The following MAD1L1 variants were observed in gnomAD, a reference collection of about 807,000 sequenced individuals.
MAD1L1 encodes the protein mitotic spindle assembly checkpoint protein MAD1.
MAD1L1 carries 95 observed loss-of-function variants against 96.9 expected under a neutral mutation model. That is an observed-to-expected ratio of 0.98 (90% CI 0.83 to 1.16). The LOEUF (loss-of-function observed/expected upper bound fraction) is 1.16. Ranked by LOEUF, MAD1L1 falls within the 50% of genes most tolerant of loss-of-function variation. The pLI is 0.00. For missense variants in MAD1L1, 1,007 were observed against 954.4 expected, an observed-to-expected ratio of 1.06 and a Z score of -0.73; for synonymous variants, 473 against 396.6, an observed-to-expected ratio of 1.19 and a Z score of -2.29.
intron 18 of MAD1L1, among the ~76,000 whole-genome samples, chr7:1,852,160 T>C (rs1784012393): frequency 6.6e-6 from 1 of 151,984 alleles, no homozygotes; most frequent in African/African-American, 2.4e-5. Context: ...GGGAAGAAAG[T>C]GCTTCCTGTG....
chr7:2,222,513 C>T, intron 5 of MAD1L1, 62 bp downstream of exon 5: 4 of 1,446,132 alleles, frequency 2.8e-6, no homozygotes, highest in African/African-American at 1.4e-5. Context: ...CAGTGGCAAA[C>T]AAGAGCATGC....
rs535773772 is a variant in MAD1L1 at position 1,845,650 on chromosome 7, G to A, written c.1999-29422C>T. On this transcript the variant is annotated intron_variant, in intron 18 of 18. Transcript: ENST00000265854. Reference sequence around the variant, plus strand: ...CGGGGAAGAGCGCTGTTTAGGAGACGGACGTGCTCCACGCAGACACGCGTC... The same window carrying A: ...CGGGGAAGAGCGCTGTTTAGGAGACAGACGTGCTCCACGCAGACACGCGTC... The A allele has an allele frequency of 6.6e-5, 9 of 135,822 alleles. 1 individual carries two copies. Among genetic ancestry groups the A allele is most frequent in the Admixed American group, 1.4e-4 (2 of 14,044 alleles). The allele number at this position is 135,822 out of a possible 1,614,324, so 8.4% of individuals were successfully genotyped here.
intron 10 of MAD1L1, chr7:2,175,100 G>C (rs745660008): frequency 1.4e-4 from 22 of 152,328 alleles, no homozygotes; most frequent in African/African-American, 5.1e-4. Flanking sequence ...TGGTCATCTC[G>C]GCGGTCACAC....
intron 17 of MAD1L1, among the ~76,000 whole-genome samples, chr7:1,907,768 G>C (rs1787760680): frequency 6.6e-6 from 1 of 152,206 alleles, no homozygotes; most frequent in African/African-American, 2.4e-5. Flanking sequence ...ACACATCCCT[G>C]TGTCGTCAAC....
chr7:1,989,727 G>A (rs1410177051), intron 14 of MAD1L1, among the ~76,000 whole-genome samples: 1 of 151,942 alleles, frequency 6.6e-6, no homozygotes, highest in African/African-American at 2.4e-5. Context: ...CTCAGCACAG[G>A]TTGGCTTCAG....
intron 11 of MAD1L1, among the ~76,000 whole-genome samples, chr7:2,087,404 G>A (rs1482126374): frequency 6.6e-6 from 1 of 152,086 alleles, no homozygotes; most frequent in Non-Finnish European, 1.5e-5. Flanking sequence ...GCCAGGCCTG[G>A]TGGCGCGCGC....
Position 1,816,028 on chromosome 7 carries a change from G to A in MAD1L1, c.*42C>T, listed in dbSNP as rs1293397447. The A allele has an allele frequency of 6.4e-7, 1 of 1,557,922 alleles. No homozygotes were observed. Among genetic ancestry groups the A allele is most frequent in the Admixed American group, 1.8e-5 (1 of 54,418 alleles). ...GGCGGGGCAGGGGACCTGCAGGTCA[G>A]GCCAAGCAGAGTGGCTCCGGCTATG... On this transcript the variant is annotated 3_prime_UTR_variant, in exon 19 of 19. Coordinates refer to ENST00000265854, the MANE Select transcript of MAD1L1 (RefSeq NM_001013836.2).
At chr7:2,017,593 G>A (rs1315037645) in intron 12 of MAD1L1, among the ~76,000 whole-genome samples, 1 of 152,190 alleles carries the variant, frequency 6.6e-6, no homozygotes, top group African/African-American at 2.4e-5. Flanking sequence ...GGATCTGGGC[G>A]CCCTGGGAGG....
chr7:2,055,486 T>C (rs1784349529), intron 12 of MAD1L1, among the ~76,000 whole-genome samples: 1 of 151,848 alleles, frequency 6.6e-6, no homozygotes, highest in Admixed American at 6.6e-5. Context: ...CAAGTCACAC[T>C]CAGATTTCCA....
At chr7:2,002,813 C>T (rs57460298) in intron 13 of MAD1L1, among the ~76,000 whole-genome samples, 44,245 of 152,188 alleles carry the variant, frequency 0.29, 6,943 homozygotes, top group Middle Eastern at 0.37. Context: ...GGACAGTGAC[C>T]CTGCACCCAT....
At chr7:2,004,401 TG>T (rs1417660049) in intron 13 of MAD1L1, among the ~76,000 whole-genome samples, 2 of 152,228 alleles carry the variant, frequency 1.3e-5, no homozygotes, top group Non-Finnish European at 2.9e-5. Context: ...CGGCCTCAGG[TG>T]ACAGCTACAG....
chr7:2,188,346 T>G (rs1335524856), intron 10 of MAD1L1, among the ~76,000 whole-genome samples: 1 of 152,166 alleles, frequency 6.6e-6, no homozygotes, highest in Non-Finnish European at 1.5e-5. Flanking sequence ...TATCCTAAAA[T>G]TCATATGGAA....
intron 11 of MAD1L1, among the ~76,000 whole-genome samples, chr7:2,085,089 C>T (rs1384140716): frequency 6.6e-6 from 1 of 152,172 alleles, no homozygotes; most frequent in East Asian, 1.9e-4. Context: ...AAGAATTCAA[C>T]GCCGGTCTTG....
At chr7:2,099,624 C>A (rs890054152) in intron 11 of MAD1L1, among the ~76,000 whole-genome samples, 20 of 100,230 alleles carry the variant, frequency 2.0e-4, no homozygotes, top group African/African-American at 5.7e-4. Context: ...GGGAGACAGC[C>A]GAATCTCAGA....
intron 18 of MAD1L1, chr7:1,817,359 A>G (rs1373453678): frequency 6.6e-6 from 1 of 152,112 alleles, no homozygotes; most frequent in Admixed American, 6.6e-5. Context: ...CCACGCACAG[A>G]CCTCGGCACG....
Position 2,114,952 on chromosome 7 carries a change from C to A in MAD1L1, c.1073+34200G>T, listed in dbSNP as rs1267751342. 6.6e-6 allele frequency among the ~76,000 whole-genome samples: 1 copy of A among 152,248 alleles called. No homozygotes were observed. The highest frequency in any genetic ancestry group is 1.9e-4 in the East Asian group (1 of 5,194). ...TGAGCACCGCTGCAGCAGCAGGGAA[C>A]CTTCCGGAAGAATCTGTTCCCAGGG... is the stretch of plus-strand genomic sequence containing the variant. On this transcript the variant is annotated intron_variant, in intron 11 of 18. Coordinates refer to ENST00000265854, the MANE Select transcript of MAD1L1 (RefSeq NM_001013836.2). This position sits in a 1 kb window ranked among gnomAD's most constrained non-coding sequence, Gnocchi z 4.2.
intron 11 of MAD1L1, among the ~76,000 whole-genome samples, chr7:2,094,203 GGGACCCACCCATGGTCAGTGT>G (rs1007095016): frequency 8.5e-5 from 13 of 152,226 alleles, no homozygotes; most frequent in African/African-American, 2.9e-4. Flanking sequence ...AGGCTGAGCA[GGGACCCACCCATGGTCAGTGT>G]GGAGGAGTGT....
At chr7:1,942,725 T>C (rs1009657928) in intron 16 of MAD1L1, among the ~76,000 whole-genome samples, 5 of 152,188 alleles carry the variant, frequency 3.3e-5, no homozygotes, top group African/African-American at 9.7e-5. Flanking sequence ...AGGGCTGATC[T>C]GCACATTCTG....
chr7:2,214,201 C>A (rs1180858685), intron 9 of MAD1L1, among the ~76,000 whole-genome samples: 17 of 152,180 alleles, frequency 1.1e-4, no homozygotes, highest in Admixed American at 1.1e-3. Context: ...AAGGAGCTGG[C>A]CCAGGGACAT....
Sources: allele counts gnomAD v4.1 joint callset (sites outside exome capture counted in the v4.1 genomes callset), GRCh38; gene constraint gnomAD v4.1.1; non-coding constraint Gnocchi (gnomAD v3.1); transcripts MANE v1.5; gene names NCBI Gene and HGNC (gene_info 2026-07-23, HGNC 2026-07-21).